Variants in TTC39B observed in about 807,000 individuals in gnomAD.
TTC39B encodes the protein tetratricopeptide repeat protein 39B.
Under a neutral mutation model 96.6 loss-of-function variants are expected in TTC39B, and 92 were observed. That is an observed-to-expected ratio of 0.95 (90% CI 0.80 to 1.13). TTC39B has a LOEUF of 1.13. TTC39B is among the 50% of genes most tolerant of loss of function. The pLI is 0.00. For missense variants in TTC39B, 955 were observed against 809.3 expected, an observed-to-expected ratio of 1.18 and a Z score of -2.18; for synonymous variants, 367 against 299.4, an observed-to-expected ratio of 1.23 and a Z score of -2.33.
At chr9:15,185,239 A>C (rs1191274705) in intron 16 of TTC39B, 41 bp downstream of exon 16, 2 of 1,573,870 alleles carry the variant, frequency 1.3e-6, no homozygotes, top group Non-Finnish European at 1.7e-6. Flanking sequence ...GTGAGTAGGT[A>C]ATTTATTTCT....
intron 2 of TTC39B, among the ~76,000 whole-genome samples, chr9:15,260,772 A>T (rs1160919106): frequency 6.6e-6 from 1 of 152,114 alleles, no homozygotes; most frequent in Non-Finnish European, 1.5e-5. Flanking sequence ...AAAGGCCAAG[A>T]AGCGATCAAA....
At chr9:15,197,985 AAAGG>A (rs1266980524) in intron 8 of TTC39B, among the ~76,000 whole-genome samples, 1 of 152,222 alleles carries the variant, frequency 6.6e-6, no homozygotes, top group African/African-American at 2.4e-5. Context: ...AAGAAATGCT[AAAGG>A]AAGTTCTTTA....
Position 15,267,285 on chromosome 9 carries a change from A to C in TTC39B, c.275+629T>G, listed in dbSNP as rs75129733. Among the ~76,000 whole-genome samples the C allele has an allele frequency of 7.6e-3, 1,158 of 152,352 alleles. 21 individuals carry two copies. Among genetic ancestry groups the C allele is most frequent in the African/African-American group, 0.026 (1,089 of 41,576 alleles). ...CCCAGGCTATTGTGTTTTGTTATAG[A>C]AGCTGAAGTTAACTAATACAGGAAG... On this transcript the variant is annotated intron_variant, in intron 2 of 19. Coordinates refer to ENST00000512701, the Ensembl canonical transcript of TTC39B.
chr9:15,187,463 CTCTT>C (rs1288028946), intron 14 of TTC39B, among the ~76,000 whole-genome samples: 2 of 152,100 alleles, frequency 1.3e-5, no homozygotes, highest in East Asian at 1.9e-4. Flanking sequence ...TTTAAAATAA[CTCTT>C]TGTTGTTGTT....
intron 1 of TTC39B, among the ~76,000 whole-genome samples, chr9:15,289,880 C>T (rs970871600): frequency 6.6e-6 from 1 of 152,156 alleles, no homozygotes; most frequent in Non-Finnish European, 1.5e-5. Flanking sequence ...TGCTTTCTTG[C>T]AAGTGGAACA....
chr9:15,212,251 T>C (rs1010270149), intron 4 of TTC39B, among the ~76,000 whole-genome samples: 6 of 152,188 alleles, frequency 3.9e-5, no homozygotes, highest in Admixed American at 3.3e-4. Flanking sequence ...CTTTGGTAAT[T>C]TGCAGCTTGT....
At chr9:15,232,677 CA>C (rs1821493023) in intron 2 of TTC39B, among the ~76,000 whole-genome samples, 1 of 152,188 alleles carries the variant, frequency 6.6e-6, no homozygotes, top group African/African-American at 2.4e-5. Context: ...CTTTAAAAAA[CA>C]AAAACAGAGC....
At chr9:15,172,012 G>A (rs779196250) in exon 20 of TTC39B, 4 of 1,608,130 alleles carry the variant, frequency 2.5e-6, no homozygotes, top group Non-Finnish European at 3.4e-6. Context: ...CATCCTTCAA[G>A]TTCTGATCAA....
intron 11 of TTC39B, among the ~76,000 whole-genome samples, chr9:15,190,280 C>T (rs1818780696): frequency 6.6e-6 from 1 of 151,946 alleles, no homozygotes; most frequent in Non-Finnish European, 1.5e-5. Context: ...CTAGCTCTTG[C>T]TGATCTTTCT....
intron 1 of TTC39B, among the ~76,000 whole-genome samples, chr9:15,278,696 G>A (rs929303819): frequency 2.0e-5 from 3 of 152,180 alleles, no homozygotes; most frequent in Admixed American, 1.3e-4. Flanking sequence ...AAAAGGAACA[G>A]AACTTTACAC....
intron 17 of TTC39B, 139 bp downstream of exon 17, chr9:15,182,167 TC>T: frequency 2.0e-6 from 1 of 509,212 alleles, no homozygotes; most frequent in Non-Finnish European, 3.4e-6. Flanking sequence ...TTGACTGCAA[TC>T]ACCCAGACCC....
At chr9:15,189,827 A>G (rs765607152) in intron 11 of TTC39B, 35 bp from the exon 12 acceptor site, 2 of 1,432,966 alleles carry the variant, frequency 1.4e-6, no homozygotes, top group South Asian at 2.4e-5. Flanking sequence ...CAGTCTTCAT[A>G]AGACATGGGG....
intron 1 of TTC39B, among the ~76,000 whole-genome samples, chr9:15,281,028 CTTTT>C (rs112924801): frequency 6.6e-6 from 1 of 151,098 alleles, no homozygotes; most frequent in African/African-American, 2.4e-5. Flanking sequence ...TCTTTTTTGT[CTTTT>C]TTTTTGTTTA....
rs1333738652 is a variant in TTC39B at position 15,190,014 on chromosome 9, G to A, written c.1106-222C>T. Among the ~76,000 whole-genome samples, 5 of 152,228 alleles carry A rather than the reference G, an allele frequency of 3.3e-5. No individual in the cohort carries two copies. In the South Asian group the frequency reaches 8.3e-4, roughly 25 times the overall value. On this transcript the variant is annotated intron_variant, in intron 11 of 19. Transcript: ENST00000512701. ...ACACTAATTCTTAAGAATGCAGGTG[G>A]CTGTCTCAGATTCCTAATTGGAATT...
intron 16 of TTC39B, chr9:15,183,246 G>A: frequency 1.5e-5 from 5 of 329,936 alleles, no homozygotes; most frequent in Non-Finnish European, 1.8e-5. Context: ...TTATCTTATG[G>A]CACCGAAAAC....
intron 17 of TTC39B, among the ~76,000 whole-genome samples, chr9:15,180,167 G>T (rs1452957134): frequency 1.3e-5 from 2 of 152,172 alleles, no homozygotes; most frequent in African/African-American, 4.8e-5. Flanking sequence ...AGGGAAGTTT[G>T]AAGCCCAAAC....
chr9:15,187,647 A>G (rs1000915019), intron 14 of TTC39B, among the ~76,000 whole-genome samples: 1 of 152,174 alleles, frequency 6.6e-6, no homozygotes, highest in East Asian at 1.9e-4. Flanking sequence ...TTTTGCAGAG[A>G]TAAAATCACA....
At chr9:15,254,671 C>T (rs1313939935) in intron 2 of TTC39B, among the ~76,000 whole-genome samples, 1 of 151,756 alleles carries the variant, frequency 6.6e-6, no homozygotes, top group Non-Finnish European at 1.5e-5. Context: ...TTTTTAAATA[C>T]CAATCACAGG....
At chr9:15,215,172 G>T (rs974336926) in intron 3 of TTC39B, among the ~76,000 whole-genome samples, 11 of 152,148 alleles carry the variant, frequency 7.2e-5, no homozygotes, top group African/African-American at 2.7e-4. Context: ...GGATGCTTGA[G>T]CTCAGGAGTT....
Sources: allele counts gnomAD v4.1 joint callset (sites outside exome capture counted in the v4.1 genomes callset), GRCh38; gene constraint gnomAD v4.1.1; transcripts MANE v1.5; gene names NCBI Gene and HGNC (gene_info 2026-07-23, HGNC 2026-07-21).